Variants in RNF168 observed in about 807,000 individuals in gnomAD.
RNF168 encodes the protein ring finger protein 168.
RNF168 carries 34 observed loss-of-function variants against 34.9 expected under a neutral mutation model. That is an observed-to-expected ratio of 0.97 (90% confidence interval 0.74 to 1.30). The LOEUF is 1.30. Ranked by LOEUF, RNF168 falls within the 50% of genes most tolerant of loss-of-function variation. The pLI, the probability that RNF168 is intolerant of heterozygous loss-of-function variation, is 0.00. For synonymous variants in RNF168, 264 were observed against 254.7 expected (o/e 1.04, Z -0.35); for missense variants, 725 against 682.5 (o/e 1.06, Z -0.69).
Position 196,472,924 on chromosome 3 carries a change from C to A in RNF168, c.763-152G>T, listed in dbSNP as rs1732048688. 1.1e-5 allele frequency: 6 copies of A among 566,308 alleles called. No individual in the cohort carries two copies. The South Asian group carries it at 1.3e-4, about 12-fold the overall frequency. 35.1% of individuals were successfully genotyped at this position (566,308 alleles called of 1,614,324 possible). ...TTCTTTCTTTCTTTTCTTTTTTTTT[C>A]AGAGTCTTGCTCTGTCGCCCAGGCT... On this transcript the variant is annotated intron_variant, in intron 5 of 5. Coordinates refer to ENST00000318037, the MANE Select transcript of RNF168 (RefSeq NM_152617.4).
At chr3:196,483,552 T>G (rs1337642129) in intron 4 of RNF168, among the ~76,000 whole-genome samples, 1 of 152,170 alleles carries the variant, frequency 6.6e-6, no homozygotes, top group African/African-American at 2.4e-5. Context: ...CCTGAGGCAG[T>G]AAGATAAAAG....
rs371576341 is a variant in RNF168 at position 196,502,907 on chromosome 3, C to T, written c.267G>A (p.Lys89=). The change falls in exon 1 of 6, where the codon AAG becomes AAA. Residue 89 remains lysine (K), a synonymous_variant. Transcript: ENST00000318037. ...CTGATTCTTGGCCAGACGCTCTAAG[C>T]TTGCACTCCCTGGGATAGTGTTTTT... is the stretch of plus-strand genomic sequence containing the variant. ...IIQKHYPREC[K]LRASGQESEE... 29 of 1,614,144 alleles carry T rather than the reference C, an allele frequency of 1.8e-5. No individual in the cohort carries two copies. The highest frequency in any genetic ancestry group is 2.2e-5 in the East Asian group (1 of 44,878).
chr3:196,471,472 A>G lies in RNF168; in HGVS notation c.*347T>C. ...ATAGTATAATCTTGCTTTGATTACC[A>G]GTCACGACAAAAAGGTGAGCAAAGG... On this transcript the variant is annotated 3_prime_UTR_variant, in exon 6 of 6. Transcript: ENST00000318037. 1 of 269,884 alleles carries G rather than the reference A, an allele frequency of 3.7e-6. No individual in the cohort carries two copies. Among genetic ancestry groups the G allele is most frequent in the Non-Finnish European group, 7.2e-6 (1 of 138,224 alleles). 16.7% of individuals were successfully genotyped at this position (269,884 alleles called of 1,614,324 possible). A position where few individuals can be genotyped will look rare whatever the true frequency, so the allele number is the denominator to read the frequency against.
At chr3:196,502,213 G>A (rs1732910755) in intron 1 of RNF168, among the ~76,000 whole-genome samples, 1 of 151,960 alleles carries the variant, frequency 6.6e-6, no homozygotes, top group South Asian at 2.1e-4. Flanking sequence ...CCGGGTGCAG[G>A]GTTGAGTGAT....
At position 196,471,245 on chromosome 3, in the gene RNF168, A is replaced by G. The variant is rs1303391995; in HGVS notation, c.*574T>C. 6.8e-6 allele frequency: 1 copy of G among 148,012 alleles called. No individual in the cohort carries two copies. Among genetic ancestry groups the G allele is most frequent in the Admixed American group, 6.8e-5 (1 of 14,642 alleles). 9.2% of individuals were successfully genotyped at this position (148,012 alleles called of 1,614,324 possible). On this transcript the variant is annotated 3_prime_UTR_variant, in exon 6 of 6. Transcript: ENST00000318037. ...AAAAAAAAAATCTGGGATTTCCCAC[A>G]TATGAATATGAATCCAAATTTTGAA...
intron 1 of RNF168, among the ~76,000 whole-genome samples, chr3:196,488,903 G>A (rs1218552569): frequency 6.6e-6 from 1 of 152,022 alleles, no homozygotes; most frequent in Non-Finnish European, 1.5e-5. Flanking sequence ...CCAGGCTGGA[G>A]TGCAGTGGCA....
In RNF168 at chr3:196,471,594, A is replaced by G. The variant is rs558431368; in HGVS notation, c.*225T>C. 3 of 544,142 alleles carry G rather than the reference A, an allele frequency of 5.5e-6. No homozygotes were observed. The South Asian group carries it at 6.4e-5, about 12-fold the overall frequency. The allele number at this position is 544,142 out of a possible 1,614,324, so 33.7% of individuals were successfully genotyped here. A position where few individuals can be genotyped will look rare whatever the true frequency, so the allele number is the denominator to read the frequency against. On this transcript the variant is annotated 3_prime_UTR_variant, in exon 6 of 6. Coordinates refer to ENST00000318037, the MANE Select transcript of RNF168 (RefSeq NM_152617.4). ...ATCTCTAAGAATTGTAAAGCTTAAT[A>G]CACATCTGTTATTAAGAAGGGAAAC...
chr3:196,488,032 TAAA>T (rs1013659852), intron 2 of RNF168, among the ~76,000 whole-genome samples: 1 of 151,972 alleles, frequency 6.6e-6, no homozygotes, highest in African/African-American at 2.4e-5. Context: ...TTTGGGGAAA[TAAA>T]AATATATCCT....
At chr3:196,486,544 G>C (rs1732428489) in intron 3 of RNF168, among the ~76,000 whole-genome samples, 1 of 151,796 alleles carries the variant, frequency 6.6e-6, no homozygotes, top group African/African-American at 2.4e-5. Context: ...TTGTTGCCCA[G>C]GCTGGTCTCA....
At chr3:196,491,902 G>A (rs571129877) in intron 1 of RNF168, among the ~76,000 whole-genome samples, 2 of 152,274 alleles carry the variant, frequency 1.3e-5, no homozygotes, top group Admixed American at 1.3e-4. Flanking sequence ...ACACTGTGTG[G>A]GGTTCCACTC....
intron 4 of RNF168, among the ~76,000 whole-genome samples, chr3:196,480,777 G>A (rs1732267258): frequency 6.6e-6 from 1 of 151,994 alleles, no homozygotes; most frequent in Non-Finnish European, 1.5e-5. Context: ...TGAGCAGCTG[G>A]GACTACAGGT....
At chr3:196,478,010 A>G (rs1376309782) in intron 4 of RNF168, among the ~76,000 whole-genome samples, 1 of 152,202 alleles carries the variant, frequency 6.6e-6, no homozygotes, top group Non-Finnish European at 1.5e-5. Flanking sequence ...CTTGAGCCCA[A>G]GAGTTTGAGG....
At chr3:196,489,238 A>G (rs1360013233) in intron 1 of RNF168, among the ~76,000 whole-genome samples, 1 of 152,294 alleles carries the variant, frequency 6.6e-6, no homozygotes, top group African/African-American at 2.4e-5. Flanking sequence ...CCCTTCCTCT[A>G]AACTCCATTA....
Position 196,471,979 on chromosome 3 carries a change from C to T in RNF168, c.1556G>A (p.Arg519Lys). The T allele has an allele frequency of 6.2e-7, 1 of 1,614,158 alleles. No individual in the cohort carries two copies. Among genetic ancestry groups the T allele is most frequent in the Non-Finnish European group, 8.5e-7 (1 of 1,180,024 alleles). Residue 519 changes from arginine to lysine, a missense_variant, in exon 6 of 6, where the codon AGG becomes AAG. Physicochemically the swap from Arg to Lys is conservative, Grantham distance 26. Transcript: ENST00000318037. ...CAACTGCATCTTTAAAGACACTTGC[C>T]TATTTTTGTCCCTTGAGCCTCTCTC... ...TPERGSRDKN[R>K]QVSLKMQLKQ...
chr3:196,497,620 T>C (rs768227024), intron 1 of RNF168, among the ~76,000 whole-genome samples: 2 of 151,154 alleles, frequency 1.3e-5, no homozygotes, highest in African/African-American at 2.4e-5. Context: ...CAGTGAGCCA[T>C]CACGCCACTG....
rs78249053 is a variant in RNF168 at position 196,490,828 on chromosome 3, G to T, written c.302-2145C>A. ...ATTCTCATTTATTTTAGTCACTAAG[G>T]AGGATCTATTCAAGACAATACAATG... On this transcript the variant is annotated intron_variant, in intron 1 of 5. Transcript: ENST00000318037. 6.5e-3 allele frequency among the ~76,000 whole-genome samples: 986 copies of T among 152,260 alleles called. 11 individuals are homozygous for T. The highest frequency in any genetic ancestry group is 0.022 in the African/African-American group (928 of 41,548).
chr3:196,487,367 AC>A, intron 3 of RNF168, 31 bp downstream of exon 3: 1 of 1,567,306 alleles, frequency 6.4e-7, no homozygotes, highest in Non-Finnish European at 8.8e-7. Context: ...CCAAGGGATG[AC>A]CATACCTTAG....
intron 1 of RNF168, among the ~76,000 whole-genome samples, chr3:196,489,492 A>G (rs769486000): frequency 2.0e-5 from 3 of 151,910 alleles, no homozygotes; most frequent in Non-Finnish European, 4.4e-5. Flanking sequence ...ATGCCCAGCT[A>G]ATTTTTGTAT....
chr3:196,471,541 T>C lies in RNF168; in HGVS notation c.*278A>G. ...TTGGAAAGACAATGGCACTTGAAGA[T>C]TTCCTGGAGTTGGCCAAAGCTTAAG... On this transcript the variant is annotated 3_prime_UTR_variant, in exon 6 of 6. Transcript: ENST00000318037. 8.0e-6 allele frequency: 3 copies of C among 373,698 alleles called. No individual in the cohort carries two copies. In the South Asian group the frequency reaches 1.1e-4, roughly 13 times the overall value. 23.1% of individuals were successfully genotyped at this position (373,698 alleles called of 1,614,324 possible). A position where few individuals can be genotyped will look rare whatever the true frequency, so the allele number is the denominator to read the frequency against.
Sources: gnomAD v4.1 joint callset for allele counts (sites outside exome capture counted in the v4.1 genomes callset) on GRCh38, gnomAD v4.1.1 for gene constraint, MANE v1.5 for transcripts, NCBI Gene and HGNC (gene_info 2026-07-23, HGNC 2026-07-21) for gene names.